LMAN2L: variants seen among roughly 807,000 people sequenced by gnomAD.
The protein encoded by LMAN2L is VIP36-like protein.
LMAN2L carries 30 observed loss-of-function variants against 44.3 expected under a neutral mutation model. The ratio of observed to expected loss-of-function variants is 0.68; its 90% CI spans 0.51 to 0.92. The LOEUF (loss-of-function observed/expected upper bound fraction) is 0.92, where lower values mean the gene tolerates loss of function less well. Ranked by LOEUF, LMAN2L falls within the 40% of genes least tolerant of loss-of-function variation. The probability of loss-of-function intolerance (pLI) is 0.00; values close to 1 mark genes in which losing one functional copy is unlikely to be tolerated. For missense variants in LMAN2L, 429 were observed against 446.1 expected (o/e 0.96, Z 0.35); for synonymous variants, 183 against 171.1 (o/e 1.07, Z -0.54).
At chr2:96,724,809 G>A (rs1444038888) in intron 4 of LMAN2L, among the ~76,000 whole-genome samples, 1 of 151,750 alleles carries the variant, frequency 6.6e-6, no homozygotes, top group East Asian at 1.9e-4. Flanking sequence ...GCGAAGCTCA[G>A]CTAATTTTTT....
chr2:96,707,371 C>A lies in LMAN2L; in HGVS notation c.932G>T (p.Gly311Val). The change falls in exon 8 of 8, where the codon GGC becomes GTC. Residue 311 changes from glycine to valine, a missense_variant. Transcript: ENST00000264963. ...EMTAPLPPLS[G>V]LALFLIVFFS... ...AAAGACGATGAGGAAGAGGGCCAGG[C>A]CACTCAGGGGCGGCAGTGGAGCTGT... The A allele has an allele frequency of 1.9e-6, 3 of 1,613,212 alleles. No individual in the cohort carries two copies. Among genetic ancestry groups the A allele is most frequent in the Non-Finnish European group, 2.5e-6 (3 of 1,179,632 alleles).
At chr2:96,731,522 T>C (rs1322740782) in intron 4 of LMAN2L, among the ~76,000 whole-genome samples, 1 of 151,976 alleles carries the variant, frequency 6.6e-6, no homozygotes, top group African/African-American at 2.4e-5. Context: ...GGCGTGTGCC[T>C]ATAATCCCAG....
At chr2:96,728,225 C>T (rs561161766) in intron 4 of LMAN2L, among the ~76,000 whole-genome samples, 3 of 152,294 alleles carry the variant, frequency 2.0e-5, no homozygotes, top group Middle Eastern at 3.4e-3. Context: ...CGGTGGCTCA[C>T]GCCTGTAATC....
chr2:96,717,489 G>A (rs976968835), intron 4 of LMAN2L, among the ~76,000 whole-genome samples: 2 of 146,826 alleles, frequency 1.4e-5, no homozygotes, highest in African/African-American at 2.6e-5. Context: ...CTGTGATTGT[G>A]CCACTGCACT....
Position 96,711,674 on chromosome 2 carries a change from T to A in LMAN2L, c.766A>T (p.Ile256Phe). ...PRGYYFGTSS[I>F]TGDLSDNHDV... ...GCAGTACCTGAGAGATCCCCAGTGATGGAGGAGGTGCCGAAGTAGTAGCCG... is the reference window on the plus strand; with the variant it reads ...GCAGTACCTGAGAGATCCCCAGTGAAGGAGGAGGTGCCGAAGTAGTAGCCG... Residue 256 changes from isoleucine (I) to phenylalanine (F), a missense_variant, in exon 6 of 8, where the codon ATC becomes TTC. Physicochemically the swap from Ile to Phe is conservative, Grantham distance 21 (BLOSUM62 0). Coordinates refer to ENST00000264963, the MANE Select transcript of LMAN2L (RefSeq NM_030805.4). 1 of 1,613,172 alleles carries A rather than the reference T, an allele frequency of 6.2e-7. No individual in the cohort carries two copies. Among genetic ancestry groups the A allele is most frequent in the Non-Finnish European group, 8.5e-7 (1 of 1,179,410 alleles).
At chr2:96,711,511 T>C (rs1573997769) in intron 6 of LMAN2L, 145 bp downstream of exon 6, 1 of 617,076 alleles carries the variant, frequency 1.6e-6, no homozygotes, top group East Asian at 2.8e-5. Flanking sequence ...AATGTGGATA[T>C]AAGAATGCAG....
At position 96,729,670 on chromosome 2, in the gene LMAN2L, G is replaced by A. The variant is rs534525009; in HGVS notation, c.507+3849C>T. Among the ~76,000 whole-genome samples, 4 of 150,184 alleles carry A rather than the reference G, an allele frequency of 2.7e-5. No homozygotes were observed. In the East Asian group the frequency reaches 7.8e-4, roughly 29 times the overall value. On this transcript the variant is annotated intron_variant, in intron 4 of 7. Coordinates refer to ENST00000264963, the MANE Select transcript of LMAN2L (RefSeq NM_030805.4). ...ACTACAGGCGCCCGCCACCACACCT[G>A]GCTAATTTTGTATTTTTAGTAGAGA...
intron 4 of LMAN2L, among the ~76,000 whole-genome samples, chr2:96,730,671 C>CCCCT (rs1553470924): frequency 6.6e-6 from 1 of 151,680 alleles, no homozygotes; most frequent in Non-Finnish European, 1.5e-5. Context: ...CTCATTATCC[C>CCCCT]CTCTCTCTCT....
At chr2:96,721,008 GTA>G (rs1450259132) in intron 4 of LMAN2L, among the ~76,000 whole-genome samples, 1 of 152,010 alleles carries the variant, frequency 6.6e-6, no homozygotes, top group Non-Finnish European at 1.5e-5. Flanking sequence ...TTCACTTAAA[GTA>G]TATAATTCAA....
chr2:96,719,741 A>G (rs998807946), intron 4 of LMAN2L, among the ~76,000 whole-genome samples: 2 of 152,214 alleles, frequency 1.3e-5, no homozygotes, highest in Non-Finnish European at 2.9e-5. Context: ...GATTATAGGC[A>G]TGCGCCATAT....
Position 96,711,880 on chromosome 2 carries a change from A to G in LMAN2L, c.653T>C (p.Val218Ala), listed in dbSNP as rs1422237562. The G allele has an allele frequency of 3.7e-6, 6 of 1,614,098 alleles. No homozygotes were observed. Among genetic ancestry groups the G allele is most frequent in the Non-Finnish European group, 5.1e-6 (6 of 1,180,056 alleles). The part of the protein sequence containing the change: ...HYDTFLVIRY[V>A]KRHLTIMMDI... ...GACTCTCACCGTCAAATGCCTCTTGACGTAGCGAATCACCAGGAAGGTGTC... is the reference window on the plus strand; with the variant it reads ...GACTCTCACCGTCAAATGCCTCTTGGCGTAGCGAATCACCAGGAAGGTGTC... Residue 218 changes from valine (V) to alanine (A), a missense_variant, in exon 5 of 8, where the codon GTC (valine) becomes GCC (alanine). By Grantham distance (64) the Val-to-Ala change is moderately conservative. Transcript: ENST00000264963.
intron 4 of LMAN2L, among the ~76,000 whole-genome samples, chr2:96,731,684 T>TGTGGGAAATGTTAACAGCTGTTGA (rs2078401029): frequency 6.6e-6 from 1 of 152,110 alleles, no homozygotes; most frequent in East Asian, 1.9e-4. Context: ...AAGTGAGTTC[T>TGTGGGAAATGTTAACAGCTGTTGA]GTGGGAAATG....
chr2:96,733,466 C>G, intron 4 of LMAN2L, 53 bp downstream of exon 4: 1 of 1,346,944 alleles, frequency 7.4e-7, no homozygotes, highest in Non-Finnish European at 1.1e-6. Context: ...ATTCCTGAGG[C>G]AAAGAACTGT....
At chr2:96,723,638 A>C (rs943680245) in intron 4 of LMAN2L, among the ~76,000 whole-genome samples, 12 of 151,936 alleles carry the variant, frequency 7.9e-5, no homozygotes, top group African/African-American at 2.4e-4. Flanking sequence ...TTTTTTTCTA[A>C]AAGTTTTATA....
At chr2:96,710,965 A>G (rs945737343) in intron 6 of LMAN2L, among the ~76,000 whole-genome samples, 2 of 152,252 alleles carry the variant, frequency 1.3e-5, no homozygotes, top group Non-Finnish European at 2.9e-5. Flanking sequence ...CGAATCAGGC[A>G]TAAGTAGAAA....
chr2:96,739,475 A>G (rs527712905), intron 1 of LMAN2L, among the ~76,000 whole-genome samples: 1 of 152,118 alleles, frequency 6.6e-6, no homozygotes, highest in Admixed American at 6.6e-5. Context: ...GTTCTACCCC[A>G]GTTCTTCCTC....
At chr2:96,716,193 T>C (rs531178311) in intron 4 of LMAN2L, among the ~76,000 whole-genome samples, 2 of 152,338 alleles carry the variant, frequency 1.3e-5, no homozygotes, top group African/African-American at 4.8e-5. Flanking sequence ...TTTTATTGCC[T>C]ACTAAAAATA....
At chr2:96,729,795 C>T (rs1030416959) in intron 4 of LMAN2L, among the ~76,000 whole-genome samples, 33 of 152,050 alleles carry the variant, frequency 2.2e-4, no homozygotes, top group Admixed American at 3.9e-4. Flanking sequence ...TGTGAGCCAC[C>T]GCGCCCGGCC....
chr2:96,736,175 T>C (rs985627901), intron 2 of LMAN2L, among the ~76,000 whole-genome samples: 1 of 152,182 alleles, frequency 6.6e-6, no homozygotes, highest in Non-Finnish European at 1.5e-5. Flanking sequence ...AATGCTATAC[T>C]GTTTTGCTCA....
Sources: allele counts gnomAD v4.1 joint callset (sites outside exome capture counted in the v4.1 genomes callset), GRCh38; gene constraint gnomAD v4.1.1; transcripts MANE v1.5; gene names NCBI Gene and HGNC (gene_info 2026-07-23, HGNC 2026-07-21).